Variants in MAGI2 observed in about 807,000 individuals in gnomAD.
The protein encoded by MAGI2 is membrane-associated guanylate kinase, WW and PDZ domain-containing protein 2.
Under a neutral mutation model 133.3 loss-of-function variants are expected in MAGI2, and 35 were observed. The ratio of observed to expected loss-of-function variants is 0.26; its 90% confidence interval spans 0.20 to 0.35. The LOEUF is 0.35. MAGI2 is among the 10% of genes least tolerant of loss of function. The pLI, the probability that MAGI2 is intolerant of heterozygous loss-of-function variation, is 1.00. For synonymous variants in MAGI2, 729 were observed against 710.6 expected (o/e 1.03, Z -0.41); for missense variants, 1,636 against 1,863.4 (o/e 0.88, Z 2.25).
chr7:78,638,951 T>A (rs1313168277), intron 2 of MAGI2, among the ~76,000 whole-genome samples: 1 of 152,198 alleles, frequency 6.6e-6, no homozygotes, highest in Non-Finnish European at 1.5e-5. Context: ...AGTGACTTTC[T>A]ATAGAAACAA....
chr7:78,808,507 C>T (rs748048071), intron 2 of MAGI2, among the ~76,000 whole-genome samples: 2 of 152,226 alleles, frequency 1.3e-5, no homozygotes, highest in African/African-American at 2.4e-5. Context: ...CCGCCCGCCT[C>T]GGCCTCCCAG....
chr7:78,295,014 CTA>C (rs1797090881), intron 9 of MAGI2, among the ~76,000 whole-genome samples: 2 of 152,084 alleles, frequency 1.3e-5, no homozygotes, highest in Non-Finnish European at 2.9e-5. Context: ...ATTATTTTAT[CTA>C]TGTTGAATAT....
intron 9 of MAGI2, among the ~76,000 whole-genome samples, chr7:78,300,008 A>C: frequency 6.6e-6 from 1 of 152,180 alleles, no homozygotes; most frequent in Non-Finnish European, 1.5e-5. Context: ...GGGTTTGTGA[A>C]CTTGGATGAG....
chr7:78,615,916 T>C (rs1807036993), intron 3 of MAGI2: 1 of 152,134 alleles, frequency 6.6e-6, no homozygotes, highest in Admixed American at 6.6e-5. Flanking sequence ...TAATTTAAAG[T>C]CACTCTAACA....
chr7:79,362,095 GA>G (rs1265291760), intron 1 of MAGI2, among the ~76,000 whole-genome samples: 1 of 151,140 alleles, frequency 6.6e-6, no homozygotes. Context: ...TTAAAAATAG[GA>G]AAACAATATG....
intron 1 of MAGI2, among the ~76,000 whole-genome samples, chr7:79,349,568 A>G (rs1414120121): frequency 1.3e-5 from 2 of 152,016 alleles, no homozygotes; most frequent in Non-Finnish European, 2.9e-5. Context: ...TACCTAAAAG[A>G]AAATTGAATC....
chr7:78,080,379 G>A (rs3807750), intron 20 of MAGI2, among the ~76,000 whole-genome samples: 27,970 of 152,124 alleles, frequency 0.18, 2,952 homozygotes, highest in East Asian at 0.45. Flanking sequence ...CCAAGAAGAC[G>A]GAACTAACTT....
chr7:79,186,831 A>G (rs891663361), intron 1 of MAGI2, among the ~76,000 whole-genome samples: 1 of 148,722 alleles, frequency 6.7e-6, no homozygotes, highest in African/African-American at 2.5e-5. Context: ...AATCCCTAAA[A>G]TGTCAATTGA....
chr7:79,314,309 A>G (rs746213285), intron 1 of MAGI2, among the ~76,000 whole-genome samples: 61 of 152,016 alleles, frequency 4.0e-4, no homozygotes, highest in Non-Finnish European at 6.3e-4. Flanking sequence ...GGGTTTCACC[A>G]TGTTGGCCAT....
intron 3 of MAGI2, among the ~76,000 whole-genome samples, chr7:78,589,946 T>C (rs1803822975): frequency 6.6e-6 from 1 of 152,162 alleles, no homozygotes; most frequent in South Asian, 2.1e-4. Flanking sequence ...GTTTGCTTGG[T>C]TCCTTTGGAA....
intron 1 of MAGI2, among the ~76,000 whole-genome samples, chr7:79,084,957 ATTGT>A (rs1370780649): frequency 2.0e-5 from 3 of 151,830 alleles, no homozygotes; most frequent in African/African-American, 4.8e-5. Flanking sequence ...GAGAACTCAC[ATTGT>A]TTGTATGTGA....
At chr7:79,365,861 T>C (rs1278484658) in intron 1 of MAGI2, among the ~76,000 whole-genome samples, 5 of 58,616 alleles carry the variant, frequency 8.5e-5, no homozygotes, top group African/African-American at 4.0e-4. Context: ...AGTGAGACTC[T>C]TGTCTCAAAA....
chr7:78,983,487 T>C lies in MAGI2; in HGVS notation c.418+23603A>G, dbSNP rs530829837. On this transcript the variant is annotated intron_variant, in intron 2 of 21. Coordinates refer to ENST00000354212, the MANE Select transcript of MAGI2 (RefSeq NM_012301.4). ...TTGGGGATATTACAATAGTACTTTT[T>C]CTCTCTACAATCTTAGGACAGTGTC... Among the ~76,000 whole-genome samples the C allele has an allele frequency of 8.6e-5, 13 of 152,040 alleles. No individual in the cohort carries two copies. The South Asian group carries it at 2.7e-3, about 32-fold the overall frequency.
intron 3 of MAGI2, among the ~76,000 whole-genome samples, chr7:78,581,577 C>T (rs963286865): frequency 6.6e-6 from 1 of 152,110 alleles, no homozygotes; most frequent in Non-Finnish European, 1.5e-5. Flanking sequence ...TGAAATAACA[C>T]AAAAATGAAC....
chr7:79,353,504 G>A, intron 1 of MAGI2: 1 of 455,628 alleles, frequency 2.2e-6, no homozygotes, highest in South Asian at 1.6e-5. Context: ...CTTTGCTGCT[G>A]CTGCTTTGGA....
At chr7:78,912,305 T>A (rs888627144) in intron 2 of MAGI2, among the ~76,000 whole-genome samples, 1 of 152,174 alleles carries the variant, frequency 6.6e-6, no homozygotes, top group African/African-American at 2.4e-5. Context: ...ATAGTGTGAC[T>A]TCAAGGAGAA....
At chr7:78,673,715 C>A (rs534720655) in intron 2 of MAGI2, among the ~76,000 whole-genome samples, 3 of 150,830 alleles carry the variant, frequency 2.0e-5, no homozygotes, top group Non-Finnish European at 4.4e-5. Flanking sequence ...GGGGGGCAGG[C>A]GGTGTTTATG....
At chr7:78,078,310 A>G (rs1048081404) in intron 21 of MAGI2, 1 of 153,676 alleles carries the variant, frequency 6.5e-6, no homozygotes, top group Non-Finnish European at 1.4e-5. Context: ...TAGTGTCTAT[A>G]ATGGGCTGCT....
intron 9 of MAGI2, among the ~76,000 whole-genome samples, chr7:78,337,121 G>A (rs1438470111): frequency 1.3e-5 from 2 of 152,208 alleles, no homozygotes; most frequent in Non-Finnish European, 2.9e-5. Context: ...TGTGGTTTCT[G>A]TGTAAGCCAT....
Sources: allele counts gnomAD v4.1 joint callset (sites outside exome capture counted in the v4.1 genomes callset), GRCh38; gene constraint gnomAD v4.1.1; transcripts MANE v1.5; gene names NCBI Gene and HGNC (gene_info 2026-07-23, HGNC 2026-07-21).